The following ST8SIA1 variants were observed in gnomAD, a reference collection of about 807,000 sequenced individuals.
ST8SIA1 encodes the protein alpha-N-acetylneuraminide alpha-2,8-sialyltransferase.
Under a neutral mutation model 35.9 loss-of-function variants are expected in ST8SIA1, and 16 were observed. The observed-to-expected ratio is 0.45, with a 90% confidence interval of 0.30 to 0.68. The LOEUF (loss-of-function observed/expected upper bound fraction) is 0.68, where lower values mean the gene tolerates loss of function less well. Among genes scored for constraint, ST8SIA1 ranks in the 30% least tolerant of loss-of-function variants. The pLI, the probability that ST8SIA1 is intolerant of heterozygous loss-of-function variation, is 0.09. For synonymous variants in ST8SIA1, 170 were observed against 169.6 expected, an observed-to-expected ratio of 1.00 and a Z score of -0.02; for missense variants, 383 against 453.6, an observed-to-expected ratio of 0.84 and a Z score of 1.41.
At chr12:22,291,160 G>A (rs1381503412) in intron 1 of ST8SIA1, among the ~76,000 whole-genome samples, 1 of 152,166 alleles carries the variant, frequency 6.6e-6, no homozygotes. Flanking sequence ...GCCCTCATCT[G>A]TTGACTGTGC....
chr12:22,284,383 A>G lies in ST8SIA1; in HGVS notation c.381+2766T>C, dbSNP rs371593599. Among the ~76,000 whole-genome samples, 39 of 152,290 alleles carry G rather than the reference A, an allele frequency of 2.6e-4. No homozygotes were observed. The East Asian group carries it at 4.4e-3, about 17-fold the overall frequency. On this transcript the variant is annotated intron_variant, in intron 2 of 4. Coordinates refer to ENST00000396037, the MANE Select transcript of ST8SIA1 (RefSeq NM_003034.4). ...GCCCACTCACCTGCATTTCTACCTC[A>G]CCTGCACACGCTATTTTCTTCCCAC... is the stretch of plus-strand genomic sequence containing the variant.
chr12:22,317,374 T>C (rs925826974), intron 1 of ST8SIA1, among the ~76,000 whole-genome samples: 1 of 152,226 alleles, frequency 6.6e-6, no homozygotes, highest in African/African-American at 2.4e-5. Context: ...AGCCAAGACT[T>C]ACTTTCTCAC....
chr12:22,293,439 T>A (rs1163238757), intron 1 of ST8SIA1, among the ~76,000 whole-genome samples: 1 of 152,246 alleles, frequency 6.6e-6, no homozygotes, highest in African/African-American at 2.4e-5. Context: ...TCAGCCAAAA[T>A]GTGTATCTAA....
At chr12:22,298,799 T>C (rs1018109811) in intron 1 of ST8SIA1, among the ~76,000 whole-genome samples, 8 of 152,182 alleles carry the variant, frequency 5.3e-5, no homozygotes, top group African/African-American at 1.9e-4. Flanking sequence ...CATTTGTACT[T>C]AATATTGTTT....
At chr12:22,254,195 T>A (rs530754519) in intron 3 of ST8SIA1, among the ~76,000 whole-genome samples, 36 of 152,312 alleles carry the variant, frequency 2.4e-4, no homozygotes, top group African/African-American at 7.9e-4. Context: ...GAGTCTATCC[T>A]CAAGGCTCCT....
chr12:22,244,067 AG>A (rs1457122478), intron 4 of ST8SIA1, among the ~76,000 whole-genome samples: 1 of 152,156 alleles, frequency 6.6e-6, no homozygotes, highest in Non-Finnish European at 1.5e-5. Context: ...CTTATGTTCA[AG>A]ACACTGAGAT....
intron 4 of ST8SIA1, among the ~76,000 whole-genome samples, chr12:22,202,858 C>A (rs187792699): frequency 1.3e-5 from 2 of 152,218 alleles, no homozygotes; most frequent in Non-Finnish European, 2.9e-5. Flanking sequence ...CAACTAAACT[C>A]GAAGGGATAC....
intron 1 of ST8SIA1, among the ~76,000 whole-genome samples, chr12:22,314,796 T>G (rs1261881391): frequency 6.6e-6 from 1 of 152,112 alleles, no homozygotes; most frequent in African/African-American, 2.4e-5. Context: ...CAGGCGTACT[T>G]CTCCCAGATT....
intron 1 of ST8SIA1, among the ~76,000 whole-genome samples, chr12:22,312,559 G>GT (rs1208047552): frequency 1.3e-5 from 2 of 152,040 alleles, no homozygotes; most frequent in East Asian, 3.8e-4. Flanking sequence ...GAAAAGACAT[G>GT]TTTTTTCAGT....
chr12:22,206,215 G>T (rs1865107809), intron 4 of ST8SIA1, among the ~76,000 whole-genome samples: 1 of 152,078 alleles, frequency 6.6e-6, no homozygotes, highest in Non-Finnish European at 1.5e-5. Flanking sequence ...AAAAAAGAAA[G>T]CAAACCTCAG....
At chr12:22,290,920 T>C (rs1007436857) in intron 1 of ST8SIA1, among the ~76,000 whole-genome samples, 1 of 152,234 alleles carries the variant, frequency 6.6e-6, no homozygotes. Context: ...CTTTTTCATA[T>C]TCATGTTCAA....
At chr12:22,298,415 A>C (rs1866273667) in intron 1 of ST8SIA1, among the ~76,000 whole-genome samples, 1 of 152,164 alleles carries the variant, frequency 6.6e-6, no homozygotes, top group South Asian at 2.1e-4. Flanking sequence ...GACAGTGTTG[A>C]AATTGAATTG....
chr12:22,307,213 T>C (rs1241730115), intron 1 of ST8SIA1, among the ~76,000 whole-genome samples: 4 of 152,102 alleles, frequency 2.6e-5, no homozygotes, highest in African/African-American at 9.7e-5. Flanking sequence ...GACTGAAAGA[T>C]CTTTATGCTT....
chr12:22,261,479 A>G (rs996186605), intron 2 of ST8SIA1, among the ~76,000 whole-genome samples: 2 of 152,158 alleles, frequency 1.3e-5, no homozygotes, highest in East Asian at 3.8e-4. Context: ...TTTTAATAAC[A>G]TATTTGTGTA....
chr12:22,230,399 T>C (rs1271269197), intron 4 of ST8SIA1, among the ~76,000 whole-genome samples: 5 of 152,122 alleles, frequency 3.3e-5, no homozygotes, highest in Non-Finnish European at 5.9e-5. Context: ...TGTTTCCCAT[T>C]AGTTCTCCAA....
At chr12:22,251,310 G>A (rs61921818) in intron 3 of ST8SIA1, among the ~76,000 whole-genome samples, 8,172 of 152,186 alleles carry the variant, frequency 0.054, 339 homozygotes, top group East Asian at 0.16. Flanking sequence ...GTTTTCCTGT[G>A]TGTTCCATGG....
chr12:22,302,230 T>C (rs1591849697), intron 1 of ST8SIA1, among the ~76,000 whole-genome samples: 1 of 151,998 alleles, frequency 6.6e-6, no homozygotes, highest in South Asian at 2.1e-4. Context: ...TTTCGATTTT[T>C]TTCTTTCTTT....
At chr12:22,321,240 T>C (rs1275425144) in intron 1 of ST8SIA1, among the ~76,000 whole-genome samples, 1 of 152,146 alleles carries the variant, frequency 6.6e-6, no homozygotes, top group Non-Finnish European at 1.5e-5. Context: ...AAGAGCCCTT[T>C]GGCGTGGCAA....
chr12:22,288,041 C>T (rs756040371), intron 1 of ST8SIA1, among the ~76,000 whole-genome samples: 1 of 152,160 alleles, frequency 6.6e-6, no homozygotes, highest in Non-Finnish European at 1.5e-5. Context: ...GGTAACCTCA[C>T]CCTTCTGGGC....
Sources: gnomAD v4.1 joint callset for allele counts (sites outside exome capture counted in the v4.1 genomes callset) on GRCh38, gnomAD v4.1.1 for gene constraint, MANE v1.5 for transcripts, NCBI Gene and HGNC (gene_info 2026-07-23, HGNC 2026-07-21) for gene names.